The following WDPCP variants were observed in gnomAD, a reference collection of about 807,000 sequenced individuals.
WDPCP encodes WD repeat-containing and planar cell polarity effector protein fritz homolog.
Under a neutral mutation model 93.1 loss-of-function variants are expected in WDPCP, and 71 were observed. That is an observed-to-expected ratio of 0.76 (90% CI 0.63 to 0.93). The LOEUF is 0.93. WDPCP is among the 40% of genes least tolerant of loss of function. The pLI is 0.00. For synonymous variants in WDPCP, 315 were observed against 315.0 expected (o/e 1.00, Z 0.00); for missense variants, 844 against 887.4 (o/e 0.95, Z 0.62).
chr2:63,806,427 G>A (rs1299584365), intron 2 of WDPCP, among the ~76,000 whole-genome samples: 1 of 152,216 alleles, frequency 6.6e-6, no homozygotes, highest in Admixed American at 6.5e-5. Flanking sequence ...CACAAGGCAA[G>A]TGGAGGCAGG....
chr2:63,182,204 G>C (rs1574817927), intron 14 of WDPCP, among the ~76,000 whole-genome samples: 4 of 151,986 alleles, frequency 2.6e-5, no homozygotes, highest in Admixed American at 2.6e-4. Flanking sequence ...TGGTGAAAGT[G>C]GTCATCATTG....
intron 13 of WDPCP, among the ~76,000 whole-genome samples, chr2:63,303,041 C>T (rs1404406371): frequency 6.6e-6 from 1 of 152,162 alleles, no homozygotes; most frequent in East Asian, 1.9e-4. Flanking sequence ...CCCAAAGTAG[C>T]CACTTCAATA....
chr2:63,496,102 C>T (rs995143853), intron 1 of WDPCP, among the ~76,000 whole-genome samples: 2 of 152,040 alleles, frequency 1.3e-5, no homozygotes, highest in Non-Finnish European at 2.9e-5. Context: ...ATTCAGATAC[C>T]AGTAATACTA....
At chr2:63,642,611 T>A (rs1278772185) in intron 3 of WDPCP, 1 of 152,186 alleles carries the variant, frequency 6.6e-6, no homozygotes, top group East Asian at 1.9e-4. Context: ...TGCTTGCTGT[T>A]AACATACAGT....
intron 1 of WDPCP, among the ~76,000 whole-genome samples, chr2:63,529,627 T>C (rs1020567691): frequency 1.1e-4 from 17 of 152,322 alleles, no homozygotes; most frequent in Non-Finnish European, 1.9e-4. Context: ...CAGTGTTTTA[T>C]TGAGGATTTT....
intron 2 of WDPCP, chr2:63,752,600 G>A (rs1669902505): frequency 3.5e-6 from 2 of 572,308 alleles, no homozygotes; most frequent in Admixed American, 5.5e-5. Flanking sequence ...GAGCTGCTCA[G>A]GCTCTTTAGG....
intron 9 of WDPCP, among the ~76,000 whole-genome samples, chr2:63,424,896 G>C (rs1313950429): frequency 6.6e-6 from 1 of 152,176 alleles, no homozygotes; most frequent in Non-Finnish European, 1.5e-5. Context: ...CCAAGGCCCG[G>C]GAATGGATCT....
intron 3 of WDPCP, among the ~76,000 whole-genome samples, chr2:63,601,887 C>G (rs1367814370): frequency 6.6e-6 from 1 of 152,110 alleles, no homozygotes. Flanking sequence ...TATACCATAC[C>G]AGCTAAATTT....
At chr2:63,456,382 A>G (rs915041242) in intron 6 of WDPCP, among the ~76,000 whole-genome samples, 1 of 152,164 alleles carries the variant, frequency 6.6e-6, no homozygotes, top group East Asian at 1.9e-4. Context: ...GCGCCACTGC[A>G]CTCCAGCCTG....
intron 14 of WDPCP, among the ~76,000 whole-genome samples, chr2:63,230,129 C>T (rs1192167290): frequency 6.8e-6 from 1 of 147,670 alleles, no homozygotes; most frequent in East Asian, 2.0e-4. Context: ...TGTTCCCCAC[C>T]CTGTGTCCAA....
chr2:63,678,836 G>C (rs1336529529), intron 2 of WDPCP, among the ~76,000 whole-genome samples: 1 of 152,210 alleles, frequency 6.6e-6, no homozygotes, highest in East Asian at 1.9e-4. Context: ...CTGATGTAGA[G>C]CATGCACATC....
intron 14 of WDPCP, among the ~76,000 whole-genome samples, chr2:63,215,448 A>G (rs1212037237): frequency 1.3e-5 from 2 of 152,252 alleles, no homozygotes; most frequent in African/African-American, 4.8e-5. Context: ...GACAAAAACA[A>G]GAAATGGGGA....
intron 12 of WDPCP, among the ~76,000 whole-genome samples, chr2:63,358,648 G>A (rs1483242207): frequency 6.6e-6 from 1 of 151,952 alleles, no homozygotes; most frequent in Non-Finnish European, 1.5e-5. Flanking sequence ...GTAGAGATGG[G>A]GTCTCACTTT....
At chr2:63,798,270 G>A (rs913694356) in intron 2 of WDPCP, among the ~76,000 whole-genome samples, 7 of 152,052 alleles carry the variant, frequency 4.6e-5, no homozygotes, top group African/African-American at 1.2e-4. Context: ...ACAGAAAAAC[G>A]CAGACTATTA....
At chr2:63,590,790 T>C (rs901458902), upstream of WDPCP, 3 of 152,160 alleles carry the variant, frequency 2.0e-5, no homozygotes, top group Admixed American at 2.0e-4. Flanking sequence ...TCTGGCAGTT[T>C]GCTGGAACTG....
intron 12 of WDPCP, among the ~76,000 whole-genome samples, chr2:63,353,818 G>A (rs998989394): frequency 1.3e-5 from 2 of 152,124 alleles, no homozygotes; most frequent in South Asian, 2.1e-4. Context: ...TCCAGGTACT[G>A]GAAAATCCGA....
At chr2:63,731,313 TGG>T (rs112737483) in intron 2 of WDPCP, among the ~76,000 whole-genome samples, 5 of 151,864 alleles carry the variant, frequency 3.3e-5, no homozygotes, top group Non-Finnish European at 7.4e-5. Flanking sequence ...TATAAACTGT[TGG>T]GGGTTTTTTT....
chr2:63,747,483 A>C (rs1417107580), intron 2 of WDPCP, among the ~76,000 whole-genome samples: 1 of 152,004 alleles, frequency 6.6e-6, no homozygotes, highest in Non-Finnish European at 1.5e-5. Context: ...GTAGAGACTC[A>C]ATATAATTTT....
intron 14 of WDPCP, among the ~76,000 whole-genome samples, chr2:63,231,058 T>C (rs1204828629): frequency 5.9e-5 from 9 of 152,186 alleles, no homozygotes; most frequent in Non-Finnish European, 1.5e-5. Flanking sequence ...CACGATCAAG[T>C]GGGCTTCATC....
Sources: gnomAD v4.1 joint callset for allele counts (sites outside exome capture counted in the v4.1 genomes callset) on GRCh38, gnomAD v4.1.1 for gene constraint, MANE v1.5 for transcripts, NCBI Gene and HGNC (gene_info 2026-07-23, HGNC 2026-07-21) for gene names.